The following LMTK2 variants were observed in gnomAD, a reference collection of about 807,000 sequenced individuals.
The protein encoded by LMTK2 is serine/threonine-protein kinase LMTK2.
In LMTK2, 37 loss-of-function variants were observed where a neutral mutation model predicts 127.5. That is an observed-to-expected ratio of 0.29 (90% CI 0.22 to 0.38). The LOEUF (loss-of-function observed/expected upper bound fraction) is 0.38, where lower values mean the gene tolerates loss of function less well. LMTK2 is among the 10% of genes least tolerant of loss of function. The pLI is 1.00. For synonymous variants in LMTK2, 819 were observed against 810.1 expected (o/e 1.01, Z -0.19); for missense variants, 1,694 against 1,920.3 (o/e 0.88, Z 2.20).
intron 11 of LMTK2, among the ~76,000 whole-genome samples, chr7:98,196,810 G>A (rs576545752): frequency 2.6e-5 from 4 of 152,318 alleles, no homozygotes; most frequent in Admixed American, 6.5e-5. Context: ...CTTAATGGAC[G>A]CGAGGCTTTG....
chr7:98,184,908 G>T (rs1437571401), intron 7 of LMTK2, 143 bp from the exon 8 acceptor site: 3 of 567,638 alleles, frequency 5.3e-6, no homozygotes, highest in Non-Finnish European at 3.3e-6. Context: ...CTATGAAAAA[G>T]AATTTTGAGA....
intron 1 of LMTK2, among the ~76,000 whole-genome samples, chr7:98,120,435 G>A (rs1336052656): frequency 6.6e-6 from 1 of 152,160 alleles, no homozygotes; most frequent in Non-Finnish European, 1.5e-5. Flanking sequence ...TAAAGGAGGA[G>A]AAGTTTGCAA....
In LMTK2 at chr7:98,194,663, G is replaced by A; in HGVS notation, c.4107+91G>A. ...ATTGAGTGTGGTCTGTTTTCTAGTT[G>A]CCATTTTGAGGCAGCAGATTGTGAT... On this transcript the variant is annotated intron_variant, in intron 11 of 13. Coordinates refer to ENST00000297293, the MANE Select transcript of LMTK2 (RefSeq NM_014916.4). The surrounding 1 kb of genome is among the most constrained non-coding windows in gnomAD (Gnocchi z 5.4). 1 of 1,196,214 alleles carries A rather than the reference G, an allele frequency of 8.4e-7. No individual in the cohort carries two copies. The allele number at this position is 1,196,214 out of a possible 1,614,324, so 74.1% of individuals were successfully genotyped here. A position where few individuals can be genotyped will look rare whatever the true frequency, so the allele number is the denominator to read the frequency against.
At chr7:98,127,228 T>C (rs1030095367) in intron 1 of LMTK2, among the ~76,000 whole-genome samples, 1 of 152,126 alleles carries the variant, frequency 6.6e-6, no homozygotes, top group African/African-American at 2.4e-5. Context: ...CCCCAAGTAG[T>C]GTGATGATGA....
Position 98,205,801 on chromosome 7 carries a change from G to A in LMTK2, c.*309G>A, listed in dbSNP as rs1797786676. The A allele has an allele frequency of 6.1e-6, 3 of 489,474 alleles. No homozygotes were observed. Among genetic ancestry groups the A allele is most frequent in the South Asian group, 2.4e-5 (1 of 42,278 alleles). The allele number at this position is 489,474 out of a possible 1,614,324, so 30.3% of individuals were successfully genotyped here. A position where few individuals can be genotyped will look rare whatever the true frequency, so the allele number is the denominator to read the frequency against. On this transcript the variant is annotated 3_prime_UTR_variant, in exon 14 of 14. Transcript: ENST00000297293. ...GCAGGGGCACAGCCTCCATGTGCGC[G>A]CGCGTGTGGAGCTGTGTGCACCGCA...
rs932336044 is a variant in LMTK2 at position 98,207,792 on chromosome 7, A to C, written c.*2300A>C. 2 of 152,188 alleles carry C rather than the reference A, an allele frequency of 1.3e-5. No homozygotes were observed. Among genetic ancestry groups the C allele is most frequent in the African/African-American group, 4.8e-5 (2 of 41,448 alleles). 9.4% of individuals were successfully genotyped at this position (152,188 alleles called of 1,614,324 possible). A position where few individuals can be genotyped will look rare whatever the true frequency, so the allele number is the denominator to read the frequency against. ...CTTTTGGGGCTGTCAGTTTTCCACTAGGATTAAGATTTTGGCCGGGCGCGG... is the reference window on the plus strand; with the variant it reads ...CTTTTGGGGCTGTCAGTTTTCCACTCGGATTAAGATTTTGGCCGGGCGCGG... On this transcript the variant is annotated 3_prime_UTR_variant, in exon 14 of 14. Coordinates refer to ENST00000297293, the MANE Select transcript of LMTK2 (RefSeq NM_014916.4).
rs115164499 is a variant in LMTK2, at chr7:98,184,438, C to T, written c.792-613C>T. On this transcript the variant is annotated intron_variant, in intron 7 of 13. Transcript: ENST00000297293. Reference sequence around the variant, plus strand: ...TGTCGCCTGACAGTCCTGGGGGCAACGGGTTGGGGGTATGTGTGTGGGGGT... The same window carrying T: ...TGTCGCCTGACAGTCCTGGGGGCAATGGGTTGGGGGTATGTGTGTGGGGGT... Among the ~76,000 whole-genome samples the T allele has an allele frequency of 2.1e-3, 319 of 151,964 alleles. 3 individuals carry two copies. Among genetic ancestry groups the T allele is most frequent in the African/African-American group, 7.3e-3 (304 of 41,440 alleles).
At chr7:98,121,011 G>T (rs1796353131) in intron 1 of LMTK2, among the ~76,000 whole-genome samples, 1 of 152,174 alleles carries the variant, frequency 6.6e-6, no homozygotes. Flanking sequence ...CTTAGAAAAT[G>T]TTGGGACCGT....
chr7:98,123,566 G>A (rs995548994), intron 1 of LMTK2, among the ~76,000 whole-genome samples: 10 of 152,094 alleles, frequency 6.6e-5, no homozygotes, highest in African/African-American at 2.2e-4. Flanking sequence ...GACTTCCTAT[G>A]TGTCTAGATC....
chr7:98,174,240 AT>A (rs1409168972), intron 7 of LMTK2, among the ~76,000 whole-genome samples: 1 of 152,016 alleles, frequency 6.6e-6, no homozygotes, highest in African/African-American at 2.4e-5. Context: ...TAGAATATTT[AT>A]TGGTTGACTT....
chr7:98,158,786 C>A (rs1398228696), intron 5 of LMTK2, among the ~76,000 whole-genome samples: 1 of 152,162 alleles, frequency 6.6e-6, no homozygotes, highest in African/African-American at 2.4e-5. Context: ...ATTTTGGTAT[C>A]TTCAGGGATT....
chr7:98,155,814 C>T (rs890612691), intron 5 of LMTK2, among the ~76,000 whole-genome samples: 4 of 152,076 alleles, frequency 2.6e-5, no homozygotes, highest in African/African-American at 9.7e-5. Context: ...TAAAAGGAGG[C>T]GTCTTGGAAC....
In LMTK2 at chr7:98,185,371, A is replaced by G. The variant is rs148859890; in HGVS notation, c.876+236A>G. On this transcript the variant is annotated intron_variant, in intron 8 of 13. Transcript: ENST00000297293. ...AAAAGTTTCGTTTAAAAATATTTATAAACACTGTAAATGATGTAGTCTGAT... is the reference window on the plus strand; with the variant it reads ...AAAAGTTTCGTTTAAAAATATTTATGAACACTGTAAATGATGTAGTCTGAT... Among the ~76,000 whole-genome samples the G allele has an allele frequency of 8.1e-4, 124 of 152,332 alleles. 2 individuals are homozygous for G. In the East Asian group the frequency reaches 0.011, roughly 13 times the overall value.
At chr7:98,139,528 A>G (rs1039858233) in intron 2 of LMTK2, among the ~76,000 whole-genome samples, 5 of 152,194 alleles carry the variant, frequency 3.3e-5, no homozygotes, top group Non-Finnish European at 7.4e-5. Context: ...ATTTTAAGGT[A>G]GGAGTGATGG....
chr7:98,198,228 G>T (rs1797657348), intron 11 of LMTK2, among the ~76,000 whole-genome samples: 1 of 141,950 alleles, frequency 7.0e-6, no homozygotes, highest in Non-Finnish European at 1.5e-5. Flanking sequence ...GTCTCACTCT[G>T]TCGCCAGGTT....
intron 13 of LMTK2, 101 bp downstream of exon 13, chr7:98,204,287 C>T (rs920270589): frequency 6.9e-7 from 1 of 1,451,316 alleles, no homozygotes; most frequent in South Asian, 1.3e-5. Context: ...CTCATGTCTT[C>T]TTCACATTTG....
At chr7:98,185,465 T>C (rs926741330) in intron 8 of LMTK2, among the ~76,000 whole-genome samples, 8 of 152,258 alleles carry the variant, frequency 5.3e-5, no homozygotes, top group African/African-American at 1.7e-4. Context: ...TGATAAAATA[T>C]ACATATCATA....
In LMTK2 at chr7:98,167,859, G is replaced by C. The variant is rs564454462; in HGVS notation, c.658-3682G>C. Among the ~76,000 whole-genome samples, 5 of 152,320 alleles carry C rather than the reference G, an allele frequency of 3.3e-5. 1 individual carries two copies. Among genetic ancestry groups the C allele is most frequent in the South Asian group, 4.1e-4 (2 of 4,820 alleles). On this transcript the variant is annotated intron_variant, in intron 6 of 13. Transcript: ENST00000297293. ...CGAGAGGAGGGAGAGCCAGTGGGGG[G>C]GCCGAGGAAGGAGCGGCCAGTGGGA...
chr7:98,169,970 G>A (rs180858973), intron 6 of LMTK2, among the ~76,000 whole-genome samples: 28 of 152,342 alleles, frequency 1.8e-4, no homozygotes, highest in African/African-American at 5.8e-4. Context: ...GTCACATGAC[G>A]CTTGGGAGAC....
Sources: allele counts gnomAD v4.1 joint callset (sites outside exome capture counted in the v4.1 genomes callset), GRCh38; gene constraint gnomAD v4.1.1; non-coding constraint Gnocchi (gnomAD v3.1); transcripts MANE v1.5; gene names NCBI Gene and HGNC (gene_info 2026-07-23, HGNC 2026-07-21).